The following EMILIN2 variants were observed in gnomAD, a reference collection of about 807,000 sequenced individuals.
EMILIN2 encodes elastin microfibril interfacer 2.
A neutral mutation model predicts 87.1 loss-of-function variants in EMILIN2; 71 were observed. The ratio of observed to expected loss-of-function variants is 0.82; its 90% CI spans 0.67 to 0.99. The LOEUF (loss-of-function observed/expected upper bound fraction) is 0.99. EMILIN2 is among the 50% of genes least tolerant of loss of function. The probability of loss-of-function intolerance (pLI) is 0.00; values close to 1 mark genes in which losing one functional copy is unlikely to be tolerated. For synonymous variants in EMILIN2, 581 were observed against 563.4 expected (o/e 1.03, Z -0.44); for missense variants, 1,407 against 1,371.8 (o/e 1.03, Z -0.40).
In EMILIN2 at chr18:2,848,821, C is replaced by A. The variant is rs1347128431; in HGVS notation, c.257+890C>A. 6.6e-6 allele frequency among the ~76,000 whole-genome samples: 1 copy of A among 152,128 alleles called. No homozygotes were observed. Among genetic ancestry groups the A allele is most frequent in the Non-Finnish European group, 1.5e-5 (1 of 68,018 alleles). On this transcript the variant is annotated intron_variant, in intron 2 of 7. Transcript: ENST00000254528. The surrounding 1 kb of genome is among the most constrained non-coding windows in gnomAD (Gnocchi z 4.1). ...TCTTAGAGCACAGTTGTCATTACAG[C>A]AGAGAATAGTCAGTAGGCGGATCTG...
chr18:2,871,131 C>T, intron 2 of EMILIN2, among the ~76,000 whole-genome samples: 1 of 152,144 alleles, frequency 6.6e-6, no homozygotes, highest in Non-Finnish European at 1.5e-5. Context: ...AAATATCTTT[C>T]TGGGGGGCAC....
At chr18:2,877,909 G>A (rs1379532708) in intron 2 of EMILIN2, among the ~76,000 whole-genome samples, 1 of 152,208 alleles carries the variant, frequency 6.6e-6, no homozygotes, top group East Asian at 1.9e-4. Flanking sequence ...TGACCTGGAT[G>A]AGCCTTAAGG....
intron 2 of EMILIN2, among the ~76,000 whole-genome samples, chr18:2,866,763 T>C (rs539026100): frequency 6.6e-6 from 1 of 152,316 alleles, no homozygotes; most frequent in African/African-American, 2.4e-5. Flanking sequence ...GTGGGCATCC[T>C]TGTCTTATTC....
intron 4 of EMILIN2, among the ~76,000 whole-genome samples, chr18:2,905,689 A>G (rs1367829521): frequency 6.7e-6 from 1 of 148,706 alleles, no homozygotes; most frequent in African/African-American, 2.5e-5. Context: ...TGCAACCTCC[A>G]CCTCCTGGGT....
chr18:2,914,063 GC>G lies in EMILIN2; in HGVS notation c.*661del. 1 of 146,000 alleles carries G rather than the reference GC, an allele frequency of 6.8e-6. No homozygotes were observed. Among genetic ancestry groups the G allele is most frequent in the African/African-American group, 2.6e-5 (1 of 38,426 alleles). The allele number at this position is 146,000 out of a possible 1,614,324, so 9.0% of individuals were successfully genotyped here. A position where few individuals can be genotyped will look rare whatever the true frequency, so the allele number is the denominator to read the frequency against. The stretch of plus-strand genomic sequence containing the variant: ...CAGGGAGTGTCAATAAAGATGGAAA[GC>G]CATTTCCAGTTAACTTTTGTTAATT... On this transcript the variant is annotated 3_prime_UTR_variant, in exon 8 of 8. Transcript: ENST00000254528.
chr18:2,912,884 T>C (rs3745015), intron 7 of EMILIN2, among the ~76,000 whole-genome samples, 183 bp from the exon 8 acceptor site: 72,545 of 152,028 alleles, frequency 0.48, 19,814 homozygotes, highest in Non-Finnish European at 0.62. Context: ...AGGTGGCCTC[T>C]GCATCACGGG....
chr18:2,866,886 G>A (rs1289763672), intron 2 of EMILIN2, among the ~76,000 whole-genome samples: 1 of 152,116 alleles, frequency 6.6e-6, no homozygotes, highest in African/African-American at 2.4e-5. Context: ...TGCCGATTTT[G>A]CTGAGGATTT....
At chr18:2,900,219 G>T (rs569886051) in intron 4 of EMILIN2, among the ~76,000 whole-genome samples, 1 of 151,918 alleles carries the variant, frequency 6.6e-6, no homozygotes, top group Admixed American at 6.6e-5. Flanking sequence ...ACAGGGTCTT[G>T]CTCTGTTGCC....
Position 2,848,072 on chromosome 18 carries a change from C to T in EMILIN2, c.257+141C>T, listed in dbSNP as rs1336863325. 9 of 1,162,616 alleles carry T rather than the reference C, an allele frequency of 7.7e-6. No individual in the cohort carries two copies. The highest frequency in any genetic ancestry group is 1.6e-5 in the South Asian group (1 of 61,084). 72.0% of individuals were successfully genotyped at this position (1,162,616 alleles called of 1,614,324 possible). On this transcript the variant is annotated intron_variant, in intron 2 of 7. Transcript: ENST00000254528. The surrounding 1 kb of genome is among the most constrained non-coding windows in gnomAD (Gnocchi z 4.1). ...AAAAGCCCGCAGCGGAAAAGCGCTC[C>T]GAGCGCTCGCGGGGCACCGGCCACG... is the stretch of plus-strand genomic sequence containing the variant.
rs1462524871 is a variant in EMILIN2, at chr18:2,891,662, C to T, written c.1535C>T (p.Thr512Ile). ...GTTCTCCTACAGATGACCAATAACA[C>T]TGGTGCAGAGCTCAGTCCCCCAGGG... The part of the protein sequence containing the change: ...GSVLLQMTNN[T>I]GAELSPPGAA... The change falls in exon 4 of 8, where the codon ACT becomes ATT. Residue 512 changes from threonine (T) to isoleucine (I), a missense_variant. Physicochemically the swap from Thr to Ile is moderately conservative, Grantham distance 89 (BLOSUM62 -1). Coordinates refer to ENST00000254528, the MANE Select transcript of EMILIN2 (RefSeq NM_032048.3). This position sits in a 1 kb window ranked among gnomAD's most constrained non-coding sequence, Gnocchi z 4.6. 3 of 1,614,144 alleles carry T rather than the reference C, an allele frequency of 1.9e-6. No homozygotes were observed.
At chr18:2,897,171 A>G (rs182709237) in intron 4 of EMILIN2, among the ~76,000 whole-genome samples, 30 of 152,292 alleles carry the variant, frequency 2.0e-4, no homozygotes, top group Non-Finnish European at 2.6e-4. Flanking sequence ...AGGCTGTGAT[A>G]AAGGAGTTGG....
intron 7 of EMILIN2, 126 bp downstream of exon 7, chr18:2,909,945 A>C: frequency 2.3e-6 from 3 of 1,326,718 alleles, no homozygotes; most frequent in Non-Finnish European, 3.1e-6. Context: ...CCTGGAGCAG[A>C]TGCCCGAGTG....
At chr18:2,873,600 G>A (rs1370108266) in intron 2 of EMILIN2, among the ~76,000 whole-genome samples, 4 of 147,440 alleles carry the variant, frequency 2.7e-5, no homozygotes, top group Non-Finnish European at 4.5e-5. Context: ...CCAGCTACTC[G>A]GGAGGCTGAG....
At chr18:2,867,705 C>T (rs959059976) in intron 2 of EMILIN2, among the ~76,000 whole-genome samples, 2 of 152,340 alleles carry the variant, frequency 1.3e-5, no homozygotes, top group Middle Eastern at 3.4e-3. Flanking sequence ...GGCAGAATAA[C>T]TTTTCTTAGT....
chr18:2,885,067 G>A lies in EMILIN2; in HGVS notation c.361G>A (p.Gly121Ser), dbSNP rs369600920. The change falls in exon 3 of 8, where the codon GGT (glycine) becomes AGT (serine). Residue 121 changes from glycine (G) to serine (S), a missense_variant. By Grantham distance (56) the Gly-to-Ser change is moderately conservative. Transcript: ENST00000254528. ...PGFRGGDCQE[G>S]PKDPVKTLRP... is the part of the protein sequence containing the mutation. ...CTTTAGAGGGGGAGATTGCCAAGAA[G>A]GTCCCAAAGACCCCGTGAAGACCCT... The A allele has an allele frequency of 2.5e-6, 4 of 1,613,708 alleles. No individual in the cohort carries two copies. The highest frequency in any genetic ancestry group is 1.3e-5 in the African/African-American group (1 of 74,922).
Position 2,890,973 on chromosome 18 carries a change from G to A in EMILIN2, c.846G>A (p.Glu282=), listed in dbSNP as rs2076833221. ...AGAACAAAAGTGACAAGCTGGAAGA[G>A]CTGGATGGAAAAGTGAAGGGCTACG... is the stretch of plus-strand genomic sequence containing the variant. ...TLKNKSDKLE[E]LDGKVKGYEG... is the part of the protein sequence containing the mutation. The change falls in exon 4 of 8, where the codon GAG becomes GAA. Residue 282 remains glutamate, a synonymous_variant. Transcript: ENST00000254528. The surrounding 1 kb of genome is among the most constrained non-coding windows in gnomAD (Gnocchi z 4.7). The A allele has an allele frequency of 1.2e-6, 2 of 1,614,090 alleles. No homozygotes were observed. Among genetic ancestry groups the A allele is most frequent in the African/African-American group, 1.3e-5 (1 of 74,952 alleles).
intron 4 of EMILIN2, among the ~76,000 whole-genome samples, chr18:2,905,876 G>A (rs2076909288): frequency 1.3e-5 from 2 of 151,272 alleles, no homozygotes; most frequent in South Asian, 4.2e-4. Context: ...CGGCCGCGTC[G>A]GCCTCCCAAA....
At chr18:2,858,571 G>A (rs7229894) in intron 2 of EMILIN2, among the ~76,000 whole-genome samples, 2,660 of 35,256 alleles carry the variant, frequency 0.075, 253 homozygotes, top group Non-Finnish European at 0.1. Context: ...ATATATATAT[G>A]TGTGTGTGTG....
At chr18:2,883,227 G>GATGTCAAAGGTCCCTCAT (rs57469307) in intron 2 of EMILIN2, among the ~76,000 whole-genome samples, 1 of 151,430 alleles carries the variant, frequency 6.6e-6, no homozygotes, top group Non-Finnish European at 1.5e-5. Context: ...CCTCGGGGAG[G>GATGTCAAAGGTCCCTCAT]ATGTCAAAGG....
Sources: gnomAD v4.1 joint callset for allele counts (sites outside exome capture counted in the v4.1 genomes callset) on GRCh38, gnomAD v4.1.1 for gene constraint, Gnocchi (gnomAD v3.1) non-coding constraint, MANE v1.5 for transcripts, NCBI Gene and HGNC (gene_info 2026-07-23, HGNC 2026-07-21) for gene names.